The following WDR7 variants were observed in gnomAD, a reference collection of about 807,000 sequenced individuals.
WDR7 encodes WD repeat-containing protein 7.
In WDR7, 46 loss-of-function variants were observed where a neutral mutation model predicts 169.4. That is an observed-to-expected ratio of 0.27 (90% CI 0.21 to 0.35). The LOEUF is 0.35. WDR7 is among the 10% of genes least tolerant of loss of function. The probability of loss-of-function intolerance (pLI) is 1.00; values close to 1 mark genes in which losing one functional copy is unlikely to be tolerated. For missense variants in WDR7, 1,534 were observed against 1,859.3 expected (o/e 0.83, Z 3.22); for synonymous variants, 612 against 666.8 (o/e 0.92, Z 1.27).
intron 2 of WDR7, among the ~76,000 whole-genome samples, chr18:56,675,290 G>A (rs752435763): frequency 5.3e-5 from 8 of 152,026 alleles, no homozygotes; most frequent in South Asian, 2.1e-4. Flanking sequence ...TGACTCACTA[G>A]ATCAATTTGG....
At chr18:56,701,872 A>T (rs950094225) in intron 12 of WDR7, among the ~76,000 whole-genome samples, 2 of 152,174 alleles carry the variant, frequency 1.3e-5, no homozygotes, top group African/African-American at 4.8e-5. Flanking sequence ...TGTCTTATTA[A>T]TCCTTCAGAT....
chr18:56,701,661 TA>T (rs1485406825), intron 12 of WDR7, among the ~76,000 whole-genome samples: 1 of 152,168 alleles, frequency 6.6e-6, no homozygotes, highest in Non-Finnish European at 1.5e-5. Context: ...AACTTTTTTT[TA>T]AAAACAGCTA....
chr18:56,842,755 G>A (rs1247029892), intron 20 of WDR7, among the ~76,000 whole-genome samples: 31 of 152,090 alleles, frequency 2.0e-4, no homozygotes, highest in Admixed American at 2.0e-3. Context: ...AAATTACCGT[G>A]GAAGTATTTT....
intron 20 of WDR7, among the ~76,000 whole-genome samples, chr18:56,845,120 C>T (rs988587402): frequency 6.6e-6 from 1 of 152,002 alleles, no homozygotes; most frequent in Non-Finnish European, 1.5e-5. Context: ...ATATTTTCCT[C>T]TTGTATAGAT....
intron 21 of WDR7, among the ~76,000 whole-genome samples, chr18:56,910,562 A>G (rs2046538796): frequency 6.6e-6 from 1 of 152,110 alleles, no homozygotes; most frequent in African/African-American, 2.4e-5. Context: ...ATTTTTTTTC[A>G]ACATAGACTT....
chr18:56,760,973 T>C (rs140904096), intron 16 of WDR7, among the ~76,000 whole-genome samples: 29 of 152,318 alleles, frequency 1.9e-4, no homozygotes, highest in Non-Finnish European at 3.4e-4. Context: ...TTTAAACACA[T>C]TTTATATGTT....
chr18:57,021,069 A>G (rs2048282724), intron 27 of WDR7, among the ~76,000 whole-genome samples: 1 of 152,212 alleles, frequency 6.6e-6, no homozygotes, highest in Admixed American at 6.5e-5. Context: ...ATCTGCTCTC[A>G]TGGAGCTTGC....
chr18:56,984,862 G>A (rs1262514639), intron 26 of WDR7, among the ~76,000 whole-genome samples: 8 of 152,058 alleles, frequency 5.3e-5, no homozygotes, highest in Non-Finnish European at 1.0e-4. Context: ...TGTGGGAAGT[G>A]GAGCAGGGCA....
intron 21 of WDR7, among the ~76,000 whole-genome samples, chr18:56,913,142 G>A (rs1203940584): frequency 2.0e-5 from 3 of 152,008 alleles, no homozygotes; most frequent in Admixed American, 6.6e-5. Context: ...TCGAAGTGCT[G>A]GGATTACAAG....
intron 26 of WDR7, among the ~76,000 whole-genome samples, chr18:57,001,616 A>G (rs1390646559): frequency 6.6e-6 from 1 of 152,188 alleles, no homozygotes; most frequent in Non-Finnish European, 1.5e-5. Context: ...GTGGTAGCAA[A>G]TGTATACAAC....
chr18:56,659,998 G>A (rs2024869633), intron 1 of WDR7, among the ~76,000 whole-genome samples: 1 of 152,170 alleles, frequency 6.6e-6, no homozygotes, highest in South Asian at 2.1e-4. Flanking sequence ...TGTAGTGAAA[G>A]TGTTGAGATG....
chr18:56,929,894 A>T (rs1352791779), intron 22 of WDR7, among the ~76,000 whole-genome samples: 1 of 152,186 alleles, frequency 6.6e-6, no homozygotes, highest in Non-Finnish European at 1.5e-5. Context: ...AACATGATAG[A>T]AACAGCAGAA....
chr18:56,831,490 A>AG (rs1371219177), intron 20 of WDR7, among the ~76,000 whole-genome samples: 2 of 152,124 alleles, frequency 1.3e-5, no homozygotes, highest in African/African-American at 4.8e-5. Context: ...GCCCGAACAA[A>AG]GGTAGCGCAA....
chr18:56,894,039 C>T (rs1198991541), intron 21 of WDR7, among the ~76,000 whole-genome samples: 1 of 151,998 alleles, frequency 6.6e-6, no homozygotes, highest in Non-Finnish European at 1.5e-5. Context: ...TTCTTAGGTT[C>T]ATCCCTAATT....
At chr18:56,652,643 A>G (rs956597928) in intron 1 of WDR7, among the ~76,000 whole-genome samples, 5 of 152,248 alleles carry the variant, frequency 3.3e-5, no homozygotes, top group African/African-American at 1.2e-4. Flanking sequence ...AAATTGGGAA[A>G]ACGAACCACT....
At chr18:56,925,855 G>T (rs2046799807) in intron 22 of WDR7, among the ~76,000 whole-genome samples, 1 of 152,064 alleles carries the variant, frequency 6.6e-6, no homozygotes, top group Admixed American at 6.6e-5. Context: ...CTTTACCTCG[G>T]TGTCTCCCTA....
At position 57,009,828 on chromosome 18, in the gene WDR7, G is replaced by A. The variant is rs182833018; in HGVS notation, c.4165-10917G>A. 1.6e-5 allele frequency: 16 copies of A among 984,188 alleles called. No individual in the cohort carries two copies. The East Asian group carries it at 1.6e-3, about 98-fold the overall frequency. 61.0% of individuals were successfully genotyped at this position (984,188 alleles called of 1,614,324 possible). A position where few individuals can be genotyped will look rare whatever the true frequency, so the allele number is the denominator to read the frequency against. Reference sequence around the variant, plus strand: ...TTTATAATCTACATCAGACAATTTTGTGTCACCAGGCACTATACCAGGCAA... The same window carrying A: ...TTTATAATCTACATCAGACAATTTTATGTCACCAGGCACTATACCAGGCAA... On this transcript the variant is annotated intron_variant, in intron 26 of 27. Coordinates refer to ENST00000254442, the MANE Select transcript of WDR7 (RefSeq NM_015285.3).
At chr18:56,684,339 G>A (rs2025404608) in intron 5 of WDR7, among the ~76,000 whole-genome samples, 2 of 152,118 alleles carry the variant, frequency 1.3e-5, no homozygotes, top group African/African-American at 4.8e-5. Flanking sequence ...AACTTATACT[G>A]TAAAGGGCCA....
chr18:56,791,135 C>G (rs1320606148), intron 19 of WDR7, among the ~76,000 whole-genome samples: 1 of 151,824 alleles, frequency 6.6e-6, no homozygotes, highest in African/African-American at 2.4e-5. Context: ...GCTATAATCA[C>G]AGGGTTTTTG....
Sources: allele counts gnomAD v4.1 joint callset (sites outside exome capture counted in the v4.1 genomes callset), GRCh38; gene constraint gnomAD v4.1.1; transcripts MANE v1.5; gene names NCBI Gene and HGNC (gene_info 2026-07-23, HGNC 2026-07-21).